The following RALYL variants were observed in gnomAD, a reference collection of about 807,000 sequenced individuals.
The protein encoded by RALYL is RNA-binding Raly-like protein.
In RALYL, 29 loss-of-function variants were observed where a neutral mutation model predicts 35.1. That is an observed-to-expected ratio of 0.83 (90% CI 0.61 to 1.13). The LOEUF (loss-of-function observed/expected upper bound fraction) is 1.13, where lower values mean the gene tolerates loss of function less well. RALYL is among the 50% of genes most tolerant of loss of function. The pLI, the probability that RALYL is intolerant of heterozygous loss-of-function variation, is 0.00. For synonymous variants in RALYL, 120 were observed against 127.6 expected (o/e 0.94, Z 0.40); for missense variants, 359 against 360.4 (o/e 1.00, Z 0.03).
intron 1 of RALYL, among the ~76,000 whole-genome samples, chr8:84,488,691 G>T (rs1006502611): frequency 6.6e-6 from 1 of 151,954 alleles, no homozygotes; most frequent in Non-Finnish European, 1.5e-5. Flanking sequence ...GTGATTACTT[G>T]CATACATTTG....
intron 5 of RALYL, among the ~76,000 whole-genome samples, chr8:84,858,065 A>C (rs906675534): frequency 1.3e-5 from 2 of 152,090 alleles, no homozygotes; most frequent in Non-Finnish European, 2.9e-5. Flanking sequence ...TCCTAGAGAA[A>C]AGTTGTCTAT....
chr8:84,439,301 C>T (rs757573861), intron 1 of RALYL, among the ~76,000 whole-genome samples: 4 of 151,992 alleles, frequency 2.6e-5, no homozygotes, highest in Admixed American at 2.0e-4. Context: ...GATCTTTCAA[C>T]TCACAGGAGT....
At chr8:84,582,896 A>T (rs920815261) in intron 2 of RALYL, among the ~76,000 whole-genome samples, 1 of 152,100 alleles carries the variant, frequency 6.6e-6, no homozygotes, top group Non-Finnish European at 1.5e-5. Flanking sequence ...TGTTAATTTT[A>T]CAATGCTTTT....
chr8:84,373,511 T>C (rs939673957), intron 1 of RALYL, among the ~76,000 whole-genome samples: 3 of 152,090 alleles, frequency 2.0e-5, no homozygotes, highest in African/African-American at 7.2e-5. Context: ...TCAGCTTTGT[T>C]GAAGAGCAGA....
intron 3 of RALYL, among the ~76,000 whole-genome samples, chr8:84,777,083 C>T (rs925377766): frequency 1.3e-5 from 2 of 152,200 alleles, no homozygotes; most frequent in African/African-American, 4.8e-5. Context: ...CTTTCATAGT[C>T]ATTCACCTGT....
At chr8:84,894,477 C>T (rs943808847) in intron 8 of RALYL, among the ~76,000 whole-genome samples, 1 of 152,142 alleles carries the variant, frequency 6.6e-6, no homozygotes. Context: ...TCTTCCCTGT[C>T]CTACTGAGAA....
At chr8:84,309,558 C>T (rs1454937998) in intron 1 of RALYL, among the ~76,000 whole-genome samples, 1 of 151,666 alleles carries the variant, frequency 6.6e-6, no homozygotes, top group Non-Finnish European at 1.5e-5. Context: ...GCTGAATATC[C>T]AGATTAGTGA....
At chr8:84,497,744 C>T (rs1346128856) in intron 1 of RALYL, among the ~76,000 whole-genome samples, 2 of 148,816 alleles carry the variant, frequency 1.3e-5, no homozygotes, top group Admixed American at 6.8e-5. Context: ...TGGGTTCAAG[C>T]GATTCTACTG....
chr8:84,479,020 A>T (rs909845786), intron 1 of RALYL, among the ~76,000 whole-genome samples: 1 of 126,764 alleles, frequency 7.9e-6, no homozygotes, highest in Admixed American at 9.7e-5. Context: ...TGGGAGGCGG[A>T]GCTTGCAGTG....
intron 1 of RALYL, among the ~76,000 whole-genome samples, chr8:84,205,353 A>T (rs183196196): frequency 9.9e-4 from 151 of 152,304 alleles, no homozygotes; most frequent in African/African-American, 3.6e-3. Context: ...AATCGTGATG[A>T]GGAAGGCCAC....
intron 1 of RALYL, among the ~76,000 whole-genome samples, chr8:84,422,132 C>T (rs1301097791): frequency 1.4e-5 from 2 of 145,222 alleles, no homozygotes; most frequent in Non-Finnish European, 3.0e-5. Context: ...GGTACCAGTT[C>T]CTCCTTGTAC....
At chr8:84,680,723 G>A (rs1282658048) in intron 2 of RALYL, among the ~76,000 whole-genome samples, 1 of 151,644 alleles carries the variant, frequency 6.6e-6, no homozygotes, top group Admixed American at 6.6e-5. Flanking sequence ...TAAATTTGTT[G>A]GAGTTCATTG....
At chr8:84,722,858 A>C (rs1171566625) in intron 2 of RALYL, among the ~76,000 whole-genome samples, 1 of 151,016 alleles carries the variant, frequency 6.6e-6, no homozygotes, top group Non-Finnish European at 1.5e-5. Flanking sequence ...TTGAATAACA[A>C]TTATTTGTTT....
chr8:84,679,059 C>G (rs1834816055), intron 2 of RALYL: 3 of 308,862 alleles, frequency 9.7e-6, no homozygotes, highest in Non-Finnish European at 1.9e-5. Flanking sequence ...AGCAAATGCT[C>G]CAGGGTGAAC....
chr8:84,494,295 T>G (rs1380141806), intron 1 of RALYL, among the ~76,000 whole-genome samples: 3 of 152,328 alleles, frequency 2.0e-5, no homozygotes, highest in South Asian at 4.1e-4. Context: ...TATGCTGTTT[T>G]GGTTACTGAT....
chr8:84,868,170 T>C (rs2135158304), intron 6 of RALYL, among the ~76,000 whole-genome samples: 1 of 152,222 alleles, frequency 6.6e-6, no homozygotes, highest in South Asian at 2.1e-4. Flanking sequence ...TAAACTTGAA[T>C]TGTTGCCTAT....
chr8:84,800,117 A>G (rs1355901392), intron 3 of RALYL, among the ~76,000 whole-genome samples: 2 of 152,222 alleles, frequency 1.3e-5, no homozygotes, highest in African/African-American at 4.8e-5. Flanking sequence ...GGAATTTCCA[A>G]CATCTGAATC....
At chr8:84,842,700 A>T (rs1316158476) in intron 4 of RALYL, among the ~76,000 whole-genome samples, 1 of 152,210 alleles carries the variant, frequency 6.6e-6, no homozygotes, top group Non-Finnish European at 1.5e-5. Context: ...CTTGATGAAC[A>T]TCAATGCAAA....
chr8:84,821,044 A>G (rs751109335), intron 4 of RALYL, among the ~76,000 whole-genome samples: 11 of 152,238 alleles, frequency 7.2e-5, no homozygotes, highest in African/African-American at 2.4e-4. Context: ...GCTACCTTCA[A>G]CTCATCTCAA....
Sources: gnomAD v4.1 joint callset for allele counts (sites outside exome capture counted in the v4.1 genomes callset) on GRCh38, gnomAD v4.1.1 for gene constraint, MANE v1.5 for transcripts, NCBI Gene and HGNC (gene_info 2026-07-23, HGNC 2026-07-21) for gene names.